RFXAP: variants seen among roughly 807,000 people sequenced by gnomAD.
RFXAP encodes regulatory factor X-associated protein.
Under a neutral mutation model 25.7 loss-of-function variants are expected in RFXAP, and 21 were observed. The observed-to-expected ratio is 0.82, with a 90% CI of 0.58 to 1.18. The LOEUF (loss-of-function observed/expected upper bound fraction) is 1.18, where lower values mean the gene tolerates loss of function less well. Among genes scored for constraint, RFXAP ranks in the 50% most tolerant of loss-of-function variants. The probability of loss-of-function intolerance (pLI) is 0.00; values close to 1 mark genes in which losing one functional copy is unlikely to be tolerated. For synonymous variants in RFXAP, 161 were observed against 152.2 expected, an observed-to-expected ratio of 1.06 and a Z score of -0.43; for missense variants, 333 against 363.0, an observed-to-expected ratio of 0.92 and a Z score of 0.67.
Position 36,819,232 on chromosome 13 carries a change from G to T in RFXAP, c.-126G>T. 3 of 1,000,198 alleles carry T rather than the reference G, an allele frequency of 3.0e-6. No individual in the cohort carries two copies. Among genetic ancestry groups the T allele is most frequent in the Middle Eastern group, 3.7e-4 (1 of 2,692 alleles). 62.0% of individuals were successfully genotyped at this position (1,000,198 alleles called of 1,614,324 possible). On this transcript the variant is annotated 5_prime_UTR_variant, in exon 1 of 3. Transcript: ENST00000255476. ...AGGCTGCGGTCGCGCAGGCGCAGTC[G>T]GGGCGCCTTCCCGGTATAGGCGCCT...
At position 36,827,953 on chromosome 13, in the gene RFXAP, G is replaced by A; in HGVS notation, c.*200G>A. 2 of 559,334 alleles carry A rather than the reference G, an allele frequency of 3.6e-6. No individual in the cohort carries two copies. The highest frequency in any genetic ancestry group is 6.4e-6 in the Non-Finnish European group (2 of 314,426). The allele number at this position is 559,334 out of a possible 1,614,324, so 34.6% of individuals were successfully genotyped here. A position where few individuals can be genotyped will look rare whatever the true frequency, so the allele number is the denominator to read the frequency against. ...TTCAGATTACTGTGAGTTTGAAGAA[G>A]TCAGCTTATCTTTCCAAATAACATT... On this transcript the variant is annotated 3_prime_UTR_variant, in exon 3 of 3. Coordinates refer to ENST00000255476, the MANE Select transcript of RFXAP (RefSeq NM_000538.4).
chr13:36,825,629 A>C (rs1258705327), intron 2 of RFXAP, 94 bp downstream of exon 2: 1 of 812,140 alleles, frequency 1.2e-6, no homozygotes, highest in East Asian at 2.6e-5. Context: ...AGCTCATGAC[A>C]TCACACTATA....
Position 36,827,717 on chromosome 13 carries a change from G to A in RFXAP, c.783G>A (p.Glu261=), listed in dbSNP as rs1456869227. The change falls in exon 3 of 3, where the codon GAG becomes GAA. Residue 261 remains glutamate (E), a synonymous_variant. Transcript: ENST00000255476. ...QQQLLNQQVL[E]QRQQQFPGTS... is the part of the protein sequence containing the mutation. ...AGCTATTAAATCAGCAAGTTTTGGA[G>A]CAAAGACAACAGCAGTTTCCAGGAA... is the stretch of plus-strand genomic sequence containing the variant. 6.2e-7 allele frequency: 1 copy of A among 1,613,796 alleles called. No homozygotes were observed. Among genetic ancestry groups the A allele is most frequent in the South Asian group, 1.1e-5 (1 of 91,074 alleles).
chr13:36,826,430 A>T (rs552946454), intron 2 of RFXAP, among the ~76,000 whole-genome samples: 26 of 150,214 alleles, frequency 1.7e-4, no homozygotes, highest in African/African-American at 5.6e-4. Flanking sequence ...TGATGCAGTG[A>T]TGTGGAGACT....
chr13:36,824,296 A>T (rs151148242), intron 1 of RFXAP, among the ~76,000 whole-genome samples: 5 of 152,270 alleles, frequency 3.3e-5, no homozygotes, highest in African/African-American at 1.2e-4. Context: ...TTGCTGGAGG[A>T]GGAAGAAATT....
rs1303248806 is a variant in RFXAP, at chr13:36,828,665, G to C, written c.*912G>C. ...AAATGAAAAAGATCCTTTTCAAAAA[G>C]GTGATCCTGAAAATAAAACTAACAC... On this transcript the variant is annotated 3_prime_UTR_variant, in exon 3 of 3. Transcript: ENST00000255476. 1 of 152,066 alleles carries C rather than the reference G, an allele frequency of 6.6e-6. No individual in the cohort carries two copies. The highest frequency in any genetic ancestry group is 1.9e-4 in the East Asian group (1 of 5,192). 9.4% of individuals were successfully genotyped at this position (152,066 alleles called of 1,614,324 possible). A position where few individuals can be genotyped will look rare whatever the true frequency, so the allele number is the denominator to read the frequency against.
At chr13:36,821,185 C>T (rs1400179262) in intron 1 of RFXAP, among the ~76,000 whole-genome samples, 1 of 136,422 alleles carries the variant, frequency 7.3e-6, no homozygotes, top group Non-Finnish European at 1.5e-5. Context: ...GCATTCCAGC[C>T]TGGATGACAT....
Position 36,819,486 on chromosome 13 carries a change from A to G in RFXAP, c.129A>G (p.Gln43=), listed in dbSNP as rs762143349. The stretch of plus-strand genomic sequence containing the variant: ...CCTCGGTGGCGGCCGCGGCCTCTCA[A>G]TTCACCCTGCTAGTGATGCAACCCT... ...APASVAAAAS[Q]FTLLVMQPCA... is the part of the protein sequence containing the mutation. Residue 43 remains glutamine, a synonymous_variant, in exon 1 of 3, where the codon CAA becomes CAG. Coordinates refer to ENST00000255476, the MANE Select transcript of RFXAP (RefSeq NM_000538.4). 1.9e-5 allele frequency: 29 copies of G among 1,543,954 alleles called. No homozygotes were observed. The African/African-American group carries it at 3.2e-4, about 17-fold the overall frequency.
At chr13:36,826,876 C>T (rs1296325982) in intron 2 of RFXAP, among the ~76,000 whole-genome samples, 2 of 151,912 alleles carry the variant, frequency 1.3e-5, no homozygotes, top group Non-Finnish European at 2.9e-5. Flanking sequence ...ATTATAAAAA[C>T]CTATTACAGG....
intron 2 of RFXAP, among the ~76,000 whole-genome samples, chr13:36,826,694 CTAAGA>C (rs2057978940): frequency 6.6e-6 from 1 of 152,008 alleles, no homozygotes; most frequent in Admixed American, 6.6e-5. Flanking sequence ...GTCATAACAG[CTAAGA>C]TGATTTTTAA....
intron 1 of RFXAP, 63 bp downstream of exon 1, chr13:36,820,020 A>T: frequency 6.3e-7 from 1 of 1,584,266 alleles, no homozygotes. Flanking sequence ...CTTAACGCAA[A>T]CCGCATCTGC....
At chr13:36,820,436 A>G (rs2057958213) in intron 1 of RFXAP, among the ~76,000 whole-genome samples, 1 of 152,038 alleles carries the variant, frequency 6.6e-6, no homozygotes. Context: ...TGTTCTGTTA[A>G]CCCTCTTCCT....
chr13:36,828,947 A>G lies in RFXAP; in HGVS notation c.*1194A>G, dbSNP rs11539183. 1.8e-3 allele frequency: 279 copies of G among 152,450 alleles called. No individual in the cohort carries two copies. The highest frequency in any genetic ancestry group is 4.3e-3 in the South Asian group (21 of 4,830). The allele number at this position is 152,450 out of a possible 1,614,324, so 9.4% of individuals were successfully genotyped here. ...ATTTGTTACTTGTTTTTTAAACTCTATATATAAAGTTCGACTTAATCATGG... is the reference window on the plus strand; with the variant it reads ...ATTTGTTACTTGTTTTTTAAACTCTGTATATAAAGTTCGACTTAATCATGG... On this transcript the variant is annotated 3_prime_UTR_variant, in exon 3 of 3. Coordinates refer to ENST00000255476, the MANE Select transcript of RFXAP (RefSeq NM_000538.4).
chr13:36,824,599 G>T (rs1233421247), intron 1 of RFXAP, among the ~76,000 whole-genome samples: 1 of 152,096 alleles, frequency 6.6e-6, no homozygotes, highest in African/African-American at 2.4e-5. Flanking sequence ...TAAGAATTTT[G>T]GATGTGGTAT....
intron 1 of RFXAP, among the ~76,000 whole-genome samples, chr13:36,821,689 A>G (rs1197859293): frequency 1.3e-5 from 2 of 152,104 alleles, no homozygotes; most frequent in Non-Finnish European, 2.9e-5. Context: ...TATTCTAAAT[A>G]TTTCTAAAAT....
At chr13:36,821,908 C>A (rs968512380) in intron 1 of RFXAP, among the ~76,000 whole-genome samples, 2 of 151,842 alleles carry the variant, frequency 1.3e-5, no homozygotes, top group African/African-American at 4.8e-5. Context: ...GTTTAAAAAC[C>A]CCCTCAATCC....
chr13:36,827,556 T>G, intron 2 of RFXAP, 87 bp from the exon 3 acceptor site: 1 of 939,352 alleles, frequency 1.1e-6, no homozygotes, highest in Non-Finnish European at 1.7e-6. Context: ...TTGTATCATA[T>G]GTAGGGACAC....
intron 1 of RFXAP, 80 bp from the exon 2 acceptor site, chr13:36,825,348 C>A: frequency 1.9e-6 from 2 of 1,058,852 alleles, no homozygotes; most frequent in Non-Finnish European, 2.9e-6. Flanking sequence ...AAGACCTGTT[C>A]ATTACATCTT....
chr13:36,819,401 C>A lies in RFXAP; in HGVS notation c.44C>A (p.Ala15Asp). The stretch of plus-strand genomic sequence containing the variant: ...GCGGAGGGCGCGGGGCCGGGCGCCG[C>A]CAGCGGCGTGCCCCACCCCGCGGCC... ...GVAEGAGPGA[A>D]SGVPHPAALA... The change falls in exon 1 of 3, where the codon GCC becomes GAC. Residue 15 changes from alanine to aspartate, a missense_variant. Coordinates refer to ENST00000255476, the MANE Select transcript of RFXAP (RefSeq NM_000538.4). 1 of 1,306,746 alleles carries A rather than the reference C, an allele frequency of 7.7e-7. No individual in the cohort carries two copies. The highest frequency in any genetic ancestry group is 9.7e-7 in the Non-Finnish European group (1 of 1,033,920). The allele number at this position is 1,306,746 out of a possible 1,614,324, so 80.9% of individuals were successfully genotyped here.
Sources: allele counts gnomAD v4.1 joint callset (sites outside exome capture counted in the v4.1 genomes callset), GRCh38; gene constraint gnomAD v4.1.1; transcripts MANE v1.5; gene names NCBI Gene and HGNC (gene_info 2026-07-23, HGNC 2026-07-21).